KCNN2: variants seen among roughly 807,000 people sequenced by gnomAD.
KCNN2 encodes small conductance calcium-activated potassium channel protein 2.
A neutral mutation model predicts 55.5 loss-of-function variants in KCNN2; 24 were observed. That is an observed-to-expected ratio of 0.43 (90% CI 0.31 to 0.61). KCNN2 has a LOEUF of 0.61. Ranked by LOEUF, KCNN2 falls within the 20% of genes least tolerant of loss-of-function variation. KCNN2 has a pLI of 0.08. For missense variants in KCNN2, 754 were observed against 853.6 expected, an observed-to-expected ratio of 0.88 and a Z score of 1.45; for synonymous variants, 431 against 336.1, an observed-to-expected ratio of 1.28 and a Z score of -3.09.
chr5:114,287,255 T>C (rs1391459230), intron 2 of KCNN2, among the ~76,000 whole-genome samples: 1 of 152,152 alleles, frequency 6.6e-6, no homozygotes, highest in African/African-American at 2.4e-5. Context: ...ACTGGGTGAA[T>C]ACCCAAAGGA....
chr5:114,364,143 A>G (rs931364583), intron 2 of KCNN2, 142 bp downstream of exon 2: 1 of 629,534 alleles, frequency 1.6e-6, no homozygotes, highest in Non-Finnish European at 2.8e-6. Flanking sequence ...TACCGTTAGC[A>G]CCTGACCTGT....
intron 2 of KCNN2, among the ~76,000 whole-genome samples, chr5:114,365,484 G>A (rs1757571993): frequency 6.6e-6 from 1 of 152,134 alleles, no homozygotes; most frequent in Non-Finnish European, 1.5e-5. Context: ...ATTAGAGCTG[G>A]AAGGAACAAA....
rs533638224 is a variant in KCNN2, at chr5:114,081,582, A to G, written c.-271+25082A>G. The stretch of plus-strand genomic sequence containing the variant: ...GAAAAGTTGTATATCCATATGCAAA[A>G]GAATGACGGTGGACCTGTATCTAAC... On this transcript the variant is annotated intron_variant, in intron 1 of 10. Coordinates refer to the KCNN2 transcript ENST00000512097. 7.4e-4 allele frequency among the ~76,000 whole-genome samples: 113 copies of G among 152,340 alleles called. No homozygotes were observed. The Middle Eastern group carries it at 0.01, about 14-fold the overall frequency.
At chr5:114,305,252 G>T (rs1025613940) in intron 2 of KCNN2, among the ~76,000 whole-genome samples, 1 of 152,160 alleles carries the variant, frequency 6.6e-6, no homozygotes, top group Non-Finnish European at 1.5e-5. Context: ...CAGCTTCCTG[G>T]ATGGTAAAGA....
intron 2 of KCNN2, among the ~76,000 whole-genome samples, chr5:114,244,857 G>C (rs1459844559): frequency 6.6e-6 from 1 of 152,048 alleles, no homozygotes; most frequent in Non-Finnish European, 1.5e-5. Flanking sequence ...TTTTCTTAGT[G>C]GGTTTGCTTA....
At chr5:114,056,612 C>T (rs1047848819) in intron 1 of KCNN2, 3 of 393,306 alleles carry the variant, frequency 7.6e-6, no homozygotes, top group Non-Finnish European at 1.3e-5. Context: ...TCCTCCCCTC[C>T]CTCTTGCTTA....
exon 1 of KCNN2, chr5:114,056,179 G>A (rs951018127): frequency 1.8e-5 from 7 of 393,050 alleles, no homozygotes; most frequent in Non-Finnish European, 2.7e-5. Flanking sequence ...AATCAGCAGC[G>A]AGTGGGCAGC....
At chr5:114,374,382 T>C (rs990941773) in intron 2 of KCNN2, among the ~76,000 whole-genome samples, 1 of 152,202 alleles carries the variant, frequency 6.6e-6, no homozygotes, top group African/African-American at 2.4e-5. Context: ...GTTGGCAGTA[T>C]TTCTGTCTGT....
intron 1 of KCNN2, 25 bp from the exon 2 acceptor site, chr5:114,363,881 G>T (rs780241691): frequency 6.3e-7 from 1 of 1,585,222 alleles, no homozygotes; most frequent in Non-Finnish European, 8.7e-7. Flanking sequence ...TTTCTTAAAA[G>T]TGCTTCTGTC....
intron 1 of KCNN2, among the ~76,000 whole-genome samples, chr5:114,066,918 T>G (rs1750464021): frequency 6.6e-6 from 1 of 152,186 alleles, no homozygotes; most frequent in African/African-American, 2.4e-5. Flanking sequence ...TATCTGTAAA[T>G]GGACCCAAGT....
At chr5:114,161,195 G>A (rs1162063797) in intron 1 of KCNN2, among the ~76,000 whole-genome samples, 2 of 152,078 alleles carry the variant, frequency 1.3e-5, no homozygotes, top group Non-Finnish European at 2.9e-5. Flanking sequence ...TTTAGGGCAG[G>A]CCTGGTGGTG....
chr5:114,235,667 T>G (rs1329627332), intron 2 of KCNN2, among the ~76,000 whole-genome samples: 1 of 152,212 alleles, frequency 6.6e-6, no homozygotes, highest in East Asian at 1.9e-4. Flanking sequence ...GAGGCTAAAC[T>G]GTTCGTTTTT....
chr5:114,269,201 TAC>T (rs1276477835), intron 2 of KCNN2, among the ~76,000 whole-genome samples: 1 of 152,290 alleles, frequency 6.6e-6, no homozygotes, highest in Admixed American at 6.5e-5. Flanking sequence ...AGGTTTCAAA[TAC>T]ACAGTTTCCT....
chr5:114,086,521 A>C (rs1303325958), intron 1 of KCNN2, among the ~76,000 whole-genome samples: 2 of 151,898 alleles, frequency 1.3e-5, no homozygotes, highest in Non-Finnish European at 2.9e-5. Context: ...CTTGTAAGTA[A>C]GAACATGTGG....
chr5:114,402,221 G>A (rs1180962411), intron 2 of KCNN2, among the ~76,000 whole-genome samples: 1 of 152,198 alleles, frequency 6.6e-6, no homozygotes. Context: ...AAGCAGGAAT[G>A]ACAGGACAAA....
At chr5:114,463,949 T>C (rs1393860885) in intron 4 of KCNN2, among the ~76,000 whole-genome samples, 1 of 152,048 alleles carries the variant, frequency 6.6e-6, no homozygotes, top group East Asian at 1.9e-4. Flanking sequence ...AAGAAGGAGC[T>C]CAGTACAGTG....
intron 1 of KCNN2, among the ~76,000 whole-genome samples, chr5:114,150,774 A>G (rs1580561276): frequency 6.6e-6 from 1 of 152,170 alleles, no homozygotes; most frequent in African/African-American, 2.4e-5. Flanking sequence ...GGAATCCCAG[A>G]ACTTTGGAAG....
intron 1 of KCNN2, among the ~76,000 whole-genome samples, chr5:114,086,859 C>T (rs376393786): frequency 5.1e-4 from 78 of 152,314 alleles, no homozygotes; most frequent in African/African-American, 1.9e-3. Flanking sequence ...AATCTCCATA[C>T]TGCTTTCCAC....
intron 2 of KCNN2, among the ~76,000 whole-genome samples, chr5:114,286,825 TCAGA>T (rs1755764142): frequency 6.6e-6 from 1 of 152,148 alleles, no homozygotes; most frequent in Admixed American, 6.5e-5. Flanking sequence ...ATATAGAAAG[TCAGA>T]CAGAAGAAGA....
Sources: allele counts gnomAD v4.1 joint callset (sites outside exome capture counted in the v4.1 genomes callset), GRCh38; gene constraint gnomAD v4.1.1; transcripts MANE v1.5; gene names NCBI Gene and HGNC (gene_info 2026-07-23, HGNC 2026-07-21).